The following CFAP54 variants were observed in gnomAD, a reference collection of about 807,000 sequenced individuals.
CFAP54 encodes cilia- and flagella-associated protein 54.
Under a neutral mutation model 370.4 loss-of-function variants are expected in CFAP54, and 290 were observed. The ratio of observed to expected loss-of-function variants is 0.78; its 90% CI spans 0.71 to 0.86. The LOEUF (loss-of-function observed/expected upper bound fraction) is 0.86. Ranked by LOEUF, CFAP54 falls within the 40% of genes least tolerant of loss-of-function variation. CFAP54 has a pLI of 0.00. For synonymous variants in CFAP54, 1,206 were observed against 1,236.5 expected (o/e 0.98, Z 0.52); for missense variants, 3,399 against 3,528.7 (o/e 0.96, Z 0.93).
chr12:96,778,221 A>T (rs1415775150), intron 60 of CFAP54, among the ~76,000 whole-genome samples: 1 of 152,186 alleles, frequency 6.6e-6, no homozygotes, highest in Non-Finnish European at 1.5e-5. Context: ...TGCAAATGGA[A>T]TATTTAGGTC....
chr12:96,507,230 C>T, intron 4 of CFAP54, 131 bp downstream of exon 4: 1 of 733,786 alleles, frequency 1.4e-6, no homozygotes, highest in South Asian at 2.8e-5. Context: ...ATATTTTTTT[C>T]AACATTCGTG....
chr12:96,515,958 C>T (rs1379913493), intron 5 of CFAP54, among the ~76,000 whole-genome samples: 1 of 148,528 alleles, frequency 6.7e-6, no homozygotes, highest in African/African-American at 2.5e-5. Context: ...CTCTGTCGCC[C>T]AGGCTGGAGT....
chr12:96,564,489 G>A lies in CFAP54; in HGVS notation c.2432G>A (p.Ser811Asn), dbSNP rs915391433. 1 of 697,728 alleles carries A rather than the reference G, an allele frequency of 1.4e-6. No individual in the cohort carries two copies. Among genetic ancestry groups the A allele is most frequent in the Non-Finnish European group, 2.6e-6 (1 of 382,240 alleles). 43.2% of individuals were successfully genotyped at this position (697,728 alleles called of 1,614,324 possible). ...TCAGTTTTGCAGACTCCAACTGTTA[G>A]CAAAGATATTTCTACCAAGGGTCCG... ...KLQVLQTPTV[S>N]KDISTKGPEK... Residue 811 changes from serine to asparagine, a missense_variant, in exon 18 of 68, where the codon AGC (serine) becomes AAC (asparagine). Coordinates refer to ENST00000524981, the MANE Select transcript of CFAP54 (RefSeq NM_001306084.2).
intron 26 of CFAP54, among the ~76,000 whole-genome samples, chr12:96,602,781 C>A (rs1956257732): frequency 6.6e-6 from 1 of 152,118 alleles, no homozygotes; most frequent in Non-Finnish European, 1.5e-5. Flanking sequence ...ATTGCAACCC[C>A]TGCTTTTTTT....
At chr12:96,755,338 A>G (rs1350245558) in intron 56 of CFAP54, among the ~76,000 whole-genome samples, 8 of 152,098 alleles carry the variant, frequency 5.3e-5, no homozygotes, top group Non-Finnish European at 1.2e-4. Flanking sequence ...CATACTTATC[A>G]TTTTTTTGTG....
intron 4 of CFAP54, among the ~76,000 whole-genome samples, chr12:96,512,304 TATATATATATATA>T (rs1565880084): frequency 8.8e-4 from 6 of 6,824 alleles, no homozygotes; most frequent in African/African-American, 4.9e-3. Context: ...ACCAATTTTA[TATATATATATATA>T]TATATATATA....
chr12:96,567,819 C>A (rs1955877784), intron 19 of CFAP54, among the ~76,000 whole-genome samples: 1 of 152,006 alleles, frequency 6.6e-6, no homozygotes, highest in African/African-American at 2.4e-5. Flanking sequence ...ACTGAGATAC[C>A]TGGATGTCTC....
In CFAP54 at chr12:96,845,479, G is replaced by T. The variant is rs112362912; in HGVS notation, c.9172-15340G>T. 9.6e-3 allele frequency among the ~76,000 whole-genome samples: 1,457 copies of T among 152,282 alleles called. 28 individuals carry two copies. The highest frequency in any genetic ancestry group is 0.033 in the African/African-American group (1,370 of 41,550). Reference sequence around the variant, plus strand: ...GCAACTTCTTTCAACTGAAGGACATGAACTCTTTCTGGAGGGAAGCCCACA... The same window carrying T: ...GCAACTTCTTTCAACTGAAGGACATTAACTCTTTCTGGAGGGAAGCCCACA... On this transcript the variant is annotated intron_variant, in intron 66 of 67. Coordinates refer to ENST00000524981, the MANE Select transcript of CFAP54 (RefSeq NM_001306084.2).
intron 50 of CFAP54, among the ~76,000 whole-genome samples, chr12:96,725,207 G>A (rs1310779493): frequency 2.0e-5 from 3 of 150,864 alleles, no homozygotes; most frequent in East Asian, 1.9e-4. Context: ...TTCCAATTCT[G>A]TGAAGAAAGT....
intron 63 of CFAP54, among the ~76,000 whole-genome samples, chr12:96,800,550 A>G (rs1466151081): frequency 6.6e-6 from 1 of 152,204 alleles, no homozygotes; most frequent in African/African-American, 2.4e-5. Context: ...AAGTCAAGAA[A>G]CACTGACCTA....
intron 25 of CFAP54, among the ~76,000 whole-genome samples, chr12:96,597,338 C>T (rs1956190902): frequency 6.6e-6 from 1 of 151,896 alleles, no homozygotes. Flanking sequence ...GTGTTATGTA[C>T]TGTCATTGGT....
At chr12:96,832,810 A>G (rs1959175007) in intron 66 of CFAP54, among the ~76,000 whole-genome samples, 1 of 152,214 alleles carries the variant, frequency 6.6e-6, no homozygotes, top group Non-Finnish European at 1.5e-5. Flanking sequence ...TCCCAACATG[A>G]GATCCTAGTG....
chr12:96,520,837 A>G (rs989277434), intron 6 of CFAP54, among the ~76,000 whole-genome samples: 3 of 152,228 alleles, frequency 2.0e-5, no homozygotes, highest in Non-Finnish European at 4.4e-5. Flanking sequence ...ACGACCATAA[A>G]TAAATCATCT....
chr12:96,604,938 G>A (rs913632488), intron 26 of CFAP54, among the ~76,000 whole-genome samples: 12 of 152,210 alleles, frequency 7.9e-5, no homozygotes, highest in Admixed American at 2.6e-4. Flanking sequence ...CTTTCTGGGT[G>A]AGGTGACGCC....
chr12:96,646,263 C>T (rs1956790436), intron 33 of CFAP54: 1 of 152,242 alleles, frequency 6.6e-6, no homozygotes, highest in South Asian at 2.1e-4. Context: ...AAGAAAAAAA[C>T]AACCCCATCA....
chr12:96,538,254 A>G (rs1955529487), intron 12 of CFAP54, 130 bp from the exon 13 acceptor site: 1 of 801,334 alleles, frequency 1.2e-6, no homozygotes, highest in South Asian at 1.9e-5. Flanking sequence ...GACTCCTCTC[A>G]TAGGGTCATT....
Position 96,554,819 on chromosome 12 carries a change from C to A in CFAP54, c.2410+17C>A. The A allele has an allele frequency of 6.6e-7, 1 of 1,518,722 alleles. No individual in the cohort carries two copies. Among genetic ancestry groups the A allele is most frequent in the Non-Finnish European group, 8.8e-7 (1 of 1,135,736 alleles). 94.1% of individuals were successfully genotyped at this position (1,518,722 alleles called of 1,614,324 possible). On this transcript the variant is annotated intron_variant, in intron 17 of 67. Coordinates refer to ENST00000524981, the MANE Select transcript of CFAP54 (RefSeq NM_001306084.2). ...AATTGCAAGGTAGTAGTCACTAAAGCAAGTAACCATTCTGAATCAATTTTA... is the reference window on the plus strand; with the variant it reads ...AATTGCAAGGTAGTAGTCACTAAAGAAAGTAACCATTCTGAATCAATTTTA...
At chr12:96,648,945 T>A (rs1363928583) in intron 34 of CFAP54, among the ~76,000 whole-genome samples, 3 of 152,162 alleles carry the variant, frequency 2.0e-5, no homozygotes, top group Non-Finnish European at 4.4e-5. Flanking sequence ...CGAACCTGAC[T>A]AATTTCCACA....
At position 96,765,176 on chromosome 12, in the gene CFAP54, G is replaced by T; in HGVS notation, c.8239G>T (p.Ala2747Ser). 1.9e-6 allele frequency: 3 copies of T among 1,541,580 alleles called. No individual in the cohort carries two copies. Among genetic ancestry groups the T allele is most frequent in the South Asian group, 1.3e-5 (1 of 78,070 alleles). ...GGCATTACCAAATATCCCAGAATTT[G>T]CTGCTCTGGATCTTTTGTCTTCGTA... The part of the protein sequence containing the change: ...QVALPNIPEF[A>S]ALDLLSSYTD... Residue 2747 changes from alanine (A) to serine (S), a missense_variant, in exon 60 of 68, where the codon GCT becomes TCT. Physicochemically the swap from Ala to Ser is moderately conservative, Grantham distance 99 (BLOSUM62 1). This residue lies in a region of CFAP54 where 2,796 missense variants were observed against 2,869.7 expected (regional missense o/e 0.97). Transcript: ENST00000524981.
Sources: gnomAD v4.1 joint callset for allele counts (sites outside exome capture counted in the v4.1 genomes callset) on GRCh38, gnomAD v4.1.1 for gene constraint, gnomAD v4.1.1 regional missense constraint, MANE v1.5 for transcripts, NCBI Gene and HGNC (gene_info 2026-07-23, HGNC 2026-07-21) for gene names.